Variants in MID2 observed in about 807,000 individuals in gnomAD.
MID2 encodes the protein probable E3 ubiquitin-protein ligase MID2.
MID2 carries 13 observed loss-of-function variants against 46.1 expected under a neutral mutation model. That is an observed-to-expected ratio of 0.28 (90% CI 0.18 to 0.45). MID2 has a LOEUF of 0.45. MID2 is among the 20% of genes least tolerant of loss of function. The pLI is 1.00. For missense variants in MID2, 431 were observed against 575.4 expected, an observed-to-expected ratio of 0.75 and a Z score of 2.57; for synonymous variants, 199 against 212.3, an observed-to-expected ratio of 0.94 and a Z score of 0.55.
At chrX:107,872,139 C>G (rs755908923) in intron 3 of MID2, among the ~76,000 whole-genome samples, 4 of 111,580 alleles carry the variant, frequency 3.6e-5, no homozygotes, top group African/African-American at 3.3e-5. Context: ...ATGGGAAGAA[C>G]AGCAGTCAGA....
intron 3 of MID2, among the ~76,000 whole-genome samples, chrX:107,858,406 G>A (rs926350454): frequency 8.9e-6 from 1 of 112,262 alleles, no homozygotes; most frequent in Admixed American, 9.4e-5. Context: ...GCATAGCCAA[G>A]GGAAAATGTA....
chrX:107,930,602 C>G lies in MID2; in HGVS notation c.*3529C>G, dbSNP rs1029988574. Among the ~76,000 whole-genome samples, 9 of 112,000 alleles carry G rather than the reference C, an allele frequency of 8.0e-5. No homozygotes were observed. The highest frequency in any genetic ancestry group is 1.5e-4 in the Non-Finnish European group (8 of 53,119). On this transcript the variant is annotated 3_prime_UTR_variant, in exon 10 of 10. Transcript: ENST00000262843. The stretch of plus-strand genomic sequence containing the variant: ...GTGAAAAATGACTTCTAAGATACAA[C>G]ATGGTGACAAAGTACTTAGTGGGGG...
intron 1 of MID2, among the ~76,000 whole-genome samples, chrX:107,839,981 A>G (rs919790328): frequency 3.6e-5 from 4 of 112,242 alleles, no homozygotes; most frequent in Admixed American, 2.8e-4. Context: ...TCTGAAGGTG[A>G]GGGAAGAAGA....
intron 7 of MID2, among the ~76,000 whole-genome samples, chrX:107,920,991 G>A (rs775221068): frequency 2.2e-4 from 24 of 111,558 alleles, no homozygotes; most frequent in African/African-American, 7.5e-4. Context: ...GAAATTTAAC[G>A]TTGATGCAAT....
intron 3 of MID2, among the ~76,000 whole-genome samples, chrX:107,866,263 T>C (rs1353690085): frequency 8.9e-6 from 1 of 112,012 alleles, no homozygotes; most frequent in African/African-American, 3.2e-5. Flanking sequence ...ATTATATTGG[T>C]AGCTCACAGA....
At chrX:107,839,765 T>C (rs1479526675) in intron 1 of MID2, among the ~76,000 whole-genome samples, 1 of 112,436 alleles carries the variant, frequency 8.9e-6, no homozygotes, top group Non-Finnish European at 1.9e-5. Flanking sequence ...GATATTGATT[T>C]GCATCCTGTT....
chrX:107,903,042 C>T (rs187196855), intron 3 of MID2, among the ~76,000 whole-genome samples: 73 of 111,929 alleles, frequency 6.5e-4, no homozygotes, highest in South Asian at 7.6e-4. Flanking sequence ...AAATTCTCTA[C>T]GCCTCAGTTT....
Position 107,928,615 on chromosome X carries a change from G to A in MID2, c.*1542G>A, listed in dbSNP as rs2147878565. On this transcript the variant is annotated 3_prime_UTR_variant, in exon 10 of 10. Coordinates refer to ENST00000262843, the MANE Select transcript of MID2 (RefSeq NM_012216.4). ...CTTCCTTTCCCCTAGTTTGGTGGAT[G>A]CTCATTTATTAATTCATTCAATAAA... Among the ~76,000 whole-genome samples, 1 of 111,669 alleles carries A rather than the reference G, an allele frequency of 9.0e-6. No individual in the cohort carries two copies. Among genetic ancestry groups the A allele is most frequent in the Non-Finnish European group, 1.9e-5 (1 of 53,031 alleles).
intron 3 of MID2, among the ~76,000 whole-genome samples, chrX:107,889,591 T>C (rs537699441): frequency 9.0e-6 from 1 of 111,254 alleles, no homozygotes; most frequent in South Asian, 3.8e-4. Context: ...CTGACAATTA[T>C]GTGTCTTGGA....
chrX:107,832,553 G>A (rs983487580), intron 1 of MID2, among the ~76,000 whole-genome samples: 4 of 111,159 alleles, frequency 3.6e-5, no homozygotes, highest in Non-Finnish European at 3.8e-5. Context: ...AGATGGGCAG[G>A]GCAGGTATTT....
intron 3 of MID2, among the ~76,000 whole-genome samples, chrX:107,900,760 C>T (rs185070346): frequency 8.9e-6 from 1 of 112,206 alleles, no homozygotes; most frequent in East Asian, 2.8e-4. Context: ...ATCTTTCCTT[C>T]ACTTACCCAC....
At chrX:107,909,445 C>T (rs1932865967) in intron 5 of MID2, among the ~76,000 whole-genome samples, 1 of 111,733 alleles carries the variant, frequency 8.9e-6, no homozygotes, top group Non-Finnish European at 1.9e-5. Flanking sequence ...ATTCTGTTGA[C>T]TACTAGAGGG....
At chrX:107,875,620 A>G (rs980227870) in intron 3 of MID2, among the ~76,000 whole-genome samples, 8 of 111,479 alleles carry the variant, frequency 7.2e-5, no homozygotes, top group Non-Finnish European at 1.3e-4. Context: ...TTCAGAGGCC[A>G]CCAGAATGGT....
chrX:107,921,087 T>C (rs773591105), intron 7 of MID2, among the ~76,000 whole-genome samples: 1 of 112,229 alleles, frequency 8.9e-6, no homozygotes, highest in South Asian at 3.7e-4. Flanking sequence ...CCCAATATTG[T>C]CCTTTATAGT....
At chrX:107,857,723 C>T (rs920655749) in intron 3 of MID2, among the ~76,000 whole-genome samples, 2 of 111,974 alleles carry the variant, frequency 1.8e-5, no homozygotes, top group African/African-American at 6.5e-5. Context: ...TTCATAAATG[C>T]TTAAAAATAC....
intron 3 of MID2, among the ~76,000 whole-genome samples, chrX:107,863,980 C>A (rs1473340481): frequency 8.9e-6 from 1 of 112,362 alleles, no homozygotes; most frequent in Non-Finnish European, 1.9e-5. Flanking sequence ...TTAATATTCC[C>A]ATTTTTCAAG....
Position 107,840,713 on chromosome X carries a change from A to G in MID2, c.48A>G (p.Leu16=). Residue 16 remains leucine (L), a synonymous_variant, in exon 2 of 10, where the codon CTA becomes CTG. Transcript: ENST00000262843. ...TGGTTCTTAATGCCTCAGGAGGACT[A>G]TTTTCACTAAAGATGGAAACACTGG... The part of the protein sequence containing the change: ...ASVVLNASGG[L]FSLKMETLES... 9 of 1,211,454 alleles carry G rather than the reference A, an allele frequency of 7.4e-6. No individual in the cohort carries two copies. The highest frequency in any genetic ancestry group is 1.0e-5 in the Non-Finnish European group (9 of 895,351).
At chrX:107,890,883 T>G (rs1285394834) in intron 3 of MID2, among the ~76,000 whole-genome samples, 1 of 110,114 alleles carries the variant, frequency 9.1e-6, no homozygotes, top group African/African-American at 3.3e-5. Context: ...TGCTAGCAAT[T>G]AGCGAGGCTC....
Position 107,840,872 on chromosome X carries a change from A to G in MID2, c.207A>G (p.Glu69=), listed in dbSNP as rs951261413. 6.6e-6 allele frequency: 8 copies of G among 1,210,661 alleles called. No homozygotes were observed. Among genetic ancestry groups the G allele is most frequent in the Non-Finnish European group, 8.9e-6 (8 of 895,153 alleles). ...VSSCSSGESI[E]PITAFQCPTC... ...GCTGCAGCTCTGGTGAATCCATTGA[A>G]CCCATTACTGCTTTCCAGTGTCCTA... The change falls in exon 2 of 10, where the codon GAA becomes GAG. Residue 69 remains glutamate, a synonymous_variant. Transcript: ENST00000262843.
Sources: allele counts gnomAD v4.1 joint callset (sites outside exome capture counted in the v4.1 genomes callset), GRCh38; gene constraint gnomAD v4.1.1; transcripts MANE v1.5; gene names NCBI Gene and HGNC (gene_info 2026-07-23, HGNC 2026-07-21).